Variants in CHN1 observed in about 807,000 individuals in gnomAD.
CHN1 encodes chimerin 1.
CHN1 carries 37 observed loss-of-function variants against 59.5 expected under a neutral mutation model. That is an observed-to-expected ratio of 0.62 (90% CI 0.48 to 0.82). CHN1 has a LOEUF of 0.82. Among genes scored for constraint, CHN1 ranks in the 40% least tolerant of loss-of-function variants. The pLI is 0.00. For missense variants in CHN1, 469 were observed against 571.0 expected, an observed-to-expected ratio of 0.82 and a Z score of 1.82; for synonymous variants, 206 against 200.4, an observed-to-expected ratio of 1.03 and a Z score of -0.24.
At chr2:174,865,329 T>C (rs370468241) in intron 6 of CHN1, among the ~76,000 whole-genome samples, 34 of 152,300 alleles carry the variant, frequency 2.2e-4, no homozygotes, top group African/African-American at 5.8e-4. Context: ...GTGATCTACT[T>C]AGTCTTTATT....
intron 1 of CHN1, among the ~76,000 whole-genome samples, chr2:174,976,297 G>C (rs1274089069): frequency 6.6e-6 from 1 of 151,662 alleles, no homozygotes; most frequent in Non-Finnish European, 1.5e-5. Flanking sequence ...GAGTGCAGTG[G>C]CACGATCTCG....
At chr2:174,953,472 G>A (rs906195407) in intron 1 of CHN1, among the ~76,000 whole-genome samples, 15 of 152,106 alleles carry the variant, frequency 9.9e-5, no homozygotes, top group African/African-American at 3.6e-4. Context: ...CATCCAAATT[G>A]GTAAGTCAAA....
chr2:174,971,585 T>C (rs569576924), intron 1 of CHN1, among the ~76,000 whole-genome samples: 7 of 152,350 alleles, frequency 4.6e-5, no homozygotes, highest in Admixed American at 3.3e-4. Flanking sequence ...ACACTTACAA[T>C]GTGCCAGTCT....
At chr2:174,962,582 G>C (rs1213808742) in intron 1 of CHN1, among the ~76,000 whole-genome samples, 1 of 147,222 alleles carries the variant, frequency 6.8e-6, no homozygotes, top group African/African-American at 2.5e-5. Context: ...TATGACTTAA[G>C]AATAGCTGCT....
At chr2:174,928,924 C>T (rs1006230797) in intron 3 of CHN1, among the ~76,000 whole-genome samples, 15 of 152,102 alleles carry the variant, frequency 9.9e-5, no homozygotes, top group African/African-American at 3.6e-4. Context: ...AAACTGAGTA[C>T]CAGCAAAGTG....
chr2:174,975,897 G>A (rs1005350605), intron 1 of CHN1, among the ~76,000 whole-genome samples: 7 of 151,674 alleles, frequency 4.6e-5, no homozygotes, highest in Non-Finnish European at 8.8e-5. Flanking sequence ...CGAGGTGGGC[G>A]GATCACGAGG....
intron 3 of CHN1, among the ~76,000 whole-genome samples, chr2:174,929,948 G>T (rs1328420959): frequency 6.6e-6 from 1 of 152,218 alleles, no homozygotes; most frequent in East Asian, 1.9e-4. Flanking sequence ...TCCTCTTAGT[G>T]TTGGAGTCTC....
intron 7 of CHN1, among the ~76,000 whole-genome samples, chr2:174,832,118 G>T (rs1484806689): frequency 6.6e-6 from 1 of 151,894 alleles, no homozygotes; most frequent in Non-Finnish European, 1.5e-5. Context: ...TTTTTGACTT[G>T]GTTATAAAAG....
In CHN1 at chr2:174,961,683, A is replaced by G. The variant is rs193242476; in HGVS notation, c.20-9481T>C. ...CTTAACATTTTTATGAAAAATAACC[A>G]TATTTTTCAGAACAAAAAAATTGTT... On this transcript the variant is annotated intron_variant, in intron 1 of 12. Coordinates refer to ENST00000409900, the MANE Select transcript of CHN1 (RefSeq NM_001822.7). Among the ~76,000 whole-genome samples, 980 of 152,204 alleles carry G rather than the reference A, an allele frequency of 6.4e-3. 16 individuals are homozygous for G. Among genetic ancestry groups the G allele is most frequent in the African/African-American group, 0.022 (931 of 41,562 alleles).
At chr2:174,901,437 G>A (rs1688386559) in intron 5 of CHN1, among the ~76,000 whole-genome samples, 1 of 152,156 alleles carries the variant, frequency 6.6e-6, no homozygotes, top group South Asian at 2.1e-4. Flanking sequence ...TTGCAATTTA[G>A]ATTTAGAGTG....
chr2:174,840,181 T>TG (rs1686244321), intron 7 of CHN1, among the ~76,000 whole-genome samples: 1 of 143,132 alleles, frequency 7.0e-6, no homozygotes, highest in Non-Finnish European at 1.5e-5. Context: ...TTTTTTTTTT[T>TG]TTTTTGAGAT....
At chr2:174,997,766 T>G (rs772999434) in intron 1 of CHN1, among the ~76,000 whole-genome samples, 2 of 152,142 alleles carry the variant, frequency 1.3e-5, no homozygotes, top group African/African-American at 2.4e-5. Flanking sequence ...GTGTGGTGGC[T>G]CACGTCTGTA....
intron 3 of CHN1, among the ~76,000 whole-genome samples, chr2:174,933,888 T>C (rs1689423012): frequency 6.6e-6 from 1 of 152,126 alleles, no homozygotes; most frequent in Non-Finnish European, 1.5e-5. Flanking sequence ...CAAATACTGA[T>C]GGTTGGGTGG....
chr2:174,864,502 T>C (rs1687157444), intron 6 of CHN1, among the ~76,000 whole-genome samples: 1 of 152,190 alleles, frequency 6.6e-6, no homozygotes, highest in Non-Finnish European at 1.5e-5. Context: ...ATAAATTAGG[T>C]TAATCATTTA....
intron 10 of CHN1, chr2:174,810,807 G>C (rs575988387): frequency 6.6e-6 from 1 of 152,354 alleles, no homozygotes; most frequent in Non-Finnish European, 1.5e-5. Context: ...ACTTGCAAAG[G>C]AAAGTGGTTC....
intron 5 of CHN1, among the ~76,000 whole-genome samples, chr2:174,910,336 G>A (rs1273916580): frequency 6.6e-6 from 1 of 152,042 alleles, no homozygotes; most frequent in Admixed American, 6.5e-5. Context: ...ATAAGTCAAA[G>A]TTAATGCATA....
intron 5 of CHN1, 33 bp from the exon 6 acceptor site, chr2:174,878,161 G>A (rs768750451): frequency 9.7e-5 from 142 of 1,468,224 alleles, no homozygotes; most frequent in Middle Eastern, 3.7e-4. Context: ...ATGTTTTTAA[G>A]AAAAGTAAGC....
chr2:174,956,867 G>A (rs1690222231), intron 1 of CHN1, among the ~76,000 whole-genome samples: 1 of 151,970 alleles, frequency 6.6e-6, no homozygotes, highest in Admixed American at 6.5e-5. Context: ...ATTATTCACA[G>A]TAATTATATG....
intron 6 of CHN1, among the ~76,000 whole-genome samples, chr2:174,851,849 C>G (rs929174511): frequency 3.9e-5 from 6 of 152,126 alleles, no homozygotes; most frequent in Non-Finnish European, 7.4e-5. Context: ...CTTAGGAAAC[C>G]TTAAATTAGA....
Sources: allele counts gnomAD v4.1 joint callset (sites outside exome capture counted in the v4.1 genomes callset), GRCh38; gene constraint gnomAD v4.1.1; transcripts MANE v1.5; gene names NCBI Gene and HGNC (gene_info 2026-07-23, HGNC 2026-07-21).